ADAMTS17: variants seen among roughly 807,000 people sequenced by gnomAD.
ADAMTS17 encodes the protein A disintegrin and metalloproteinase with thrombospondin motifs 17.
Under a neutral mutation model 141.5 loss-of-function variants are expected in ADAMTS17, and 113 were observed. The ratio of observed to expected loss-of-function variants is 0.80; its 90% CI spans 0.69 to 0.93. The LOEUF (loss-of-function observed/expected upper bound fraction) is 0.93, where lower values mean the gene tolerates loss of function less well. Among genes scored for constraint, ADAMTS17 ranks in the 40% least tolerant of loss-of-function variants. ADAMTS17 has a pLI of 0.00. For missense variants in ADAMTS17, 1,659 were observed against 1,517.9 expected, an observed-to-expected ratio of 1.09 and a Z score of -1.54; for synonymous variants, 768 against 630.6, an observed-to-expected ratio of 1.22 and a Z score of -3.27.
chr15:100,081,994 T>C (rs991394930), intron 15 of ADAMTS17, among the ~76,000 whole-genome samples: 2 of 152,246 alleles, frequency 1.3e-5, no homozygotes, highest in African/African-American at 4.8e-5. Context: ...TCAGACTCTT[T>C]ACTTACTAGA....
intron 15 of ADAMTS17, chr15:100,063,810 A>C (rs1243654784): frequency 4.0e-6 from 5 of 1,239,472 alleles, no homozygotes; most frequent in Non-Finnish European, 5.3e-6. Flanking sequence ...CCTGCACCAG[A>C]GGCCGTGCAG....
At chr15:100,133,830 G>A (rs922343738) in intron 10 of ADAMTS17, among the ~76,000 whole-genome samples, 25 of 152,334 alleles carry the variant, frequency 1.6e-4, no homozygotes, top group African/African-American at 5.8e-4. Context: ...CTGGTACCCC[G>A]ACAGGGTTAC....
At chr15:100,068,748 C>T (rs1289659546) in intron 15 of ADAMTS17, among the ~76,000 whole-genome samples, 1 of 152,222 alleles carries the variant, frequency 6.6e-6, no homozygotes, top group African/African-American at 2.4e-5. Context: ...AAAACCCCAT[C>T]TGTATGTCAC....
At chr15:100,015,830 G>GATGACA (rs2061277575) in intron 18 of ADAMTS17, among the ~76,000 whole-genome samples, 1 of 152,206 alleles carries the variant, frequency 6.6e-6, no homozygotes, top group Non-Finnish European at 1.5e-5. Context: ...TAGATTACCT[G>GATGACA]ATGACAATGT....
intron 18 of ADAMTS17, among the ~76,000 whole-genome samples, chr15:100,027,980 A>G (rs1260194339): frequency 6.6e-6 from 1 of 152,048 alleles, no homozygotes; most frequent in East Asian, 1.9e-4. Context: ...GGCAGTCCCC[A>G]CTGGGGAGCC....
intron 2 of ADAMTS17, among the ~76,000 whole-genome samples, chr15:100,340,803 G>C (rs2046339909): frequency 2.0e-5 from 3 of 152,212 alleles, no homozygotes; most frequent in Admixed American, 2.0e-4. Flanking sequence ...GCTCCGCGCG[G>C]GTTCCACGGG....
At chr15:100,052,368 A>G (rs1191368200) in intron 16 of ADAMTS17, among the ~76,000 whole-genome samples, 2 of 152,224 alleles carry the variant, frequency 1.3e-5, no homozygotes, top group Admixed American at 1.3e-4. Flanking sequence ...TCTCATTTTC[A>G]GTTTTAAAAT....
rs190078338 is a variant in ADAMTS17, at chr15:100,209,989, C to G, written c.1076-10566G>C. ...CATACATTTCCAGGTTGCCTCTATG[C>G]CTCTGTGGTGGTCCGCGGGCAGATC... On this transcript the variant is annotated intron_variant, in intron 7 of 21. Coordinates refer to ENST00000268070, the MANE Select transcript of ADAMTS17 (RefSeq NM_139057.4). Among the ~76,000 whole-genome samples the G allele has an allele frequency of 2.7e-4, 41 of 152,230 alleles. No individual in the cohort carries two copies. The East Asian group carries it at 7.4e-3, about 27-fold the overall frequency.
chr15:100,038,380 G>A (rs916302083), intron 18 of ADAMTS17, among the ~76,000 whole-genome samples: 2 of 152,096 alleles, frequency 1.3e-5, no homozygotes, highest in African/African-American at 2.4e-5. Flanking sequence ...GAATTTTAGC[G>A]ACATGTCCCC....
intron 8 of ADAMTS17, among the ~76,000 whole-genome samples, chr15:100,165,410 A>G (rs2039909735): frequency 6.6e-6 from 1 of 152,192 alleles, no homozygotes; most frequent in Non-Finnish European, 1.5e-5. Context: ...CCTCCTGGGC[A>G]TGCCATGGCT....
intron 18 of ADAMTS17, among the ~76,000 whole-genome samples, chr15:100,029,305 G>C (rs1048168158): frequency 1.3e-5 from 2 of 152,158 alleles, no homozygotes; most frequent in Non-Finnish European, 2.9e-5. Flanking sequence ...AAAACATAGG[G>C]ATCTAAATTT....
intron 8 of ADAMTS17, among the ~76,000 whole-genome samples, chr15:100,172,370 T>C (rs770119413): frequency 2.6e-5 from 4 of 152,210 alleles, no homozygotes; most frequent in Non-Finnish European, 2.9e-5. Flanking sequence ...AGTACGTTAA[T>C]ATGTTCAGTT....
Position 100,281,331 on chromosome 15 carries a change from G to A in ADAMTS17, c.687C>T (p.Thr229=), listed in dbSNP as rs748689161. 13 of 1,610,700 alleles carry A rather than the reference G, an allele frequency of 8.1e-6. No homozygotes were observed. The highest frequency in any genetic ancestry group is 1.1e-5 in the Non-Finnish European group (13 of 1,179,998). The change falls in exon 4 of 22, where the codon ACC becomes ACT. Residue 229 remains threonine, a synonymous_variant. Coordinates refer to ENST00000268070, the MANE Select transcript of ADAMTS17 (RefSeq NM_139057.4). The stretch of plus-strand genomic sequence containing the variant: ...CCAGGGTCTCCACCGTGTGCTCGCT[G>A]GTGAGCCGGATAGCGTTCCTCCGCT... ...WRERRNAIRL[T]SEHTVETLVV... is the part of the protein sequence containing the mutation.
intron 10 of ADAMTS17, among the ~76,000 whole-genome samples, chr15:100,150,304 C>T (rs963294929): frequency 1.3e-5 from 2 of 152,156 alleles, no homozygotes; most frequent in African/African-American, 4.8e-5. Context: ...AATACCACAT[C>T]CCCTGCCTCC....
chr15:100,118,524 T>C (rs2037282091), intron 12 of ADAMTS17, among the ~76,000 whole-genome samples: 1 of 152,150 alleles, frequency 6.6e-6, no homozygotes, highest in African/African-American at 2.4e-5. Flanking sequence ...TCTAGAAGGT[T>C]TATGGAATCT....
chr15:99,983,165 C>A (rs1381854374), intron 20 of ADAMTS17, among the ~76,000 whole-genome samples: 4 of 152,156 alleles, frequency 2.6e-5, no homozygotes, highest in Non-Finnish European at 5.9e-5. Flanking sequence ...CGGCAGTCAC[C>A]GTCGCAGCAG....
chr15:100,011,398 A>G lies in ADAMTS17; in HGVS notation c.2592-13809T>C, dbSNP rs999612748. Among the ~76,000 whole-genome samples, 26 of 140,350 alleles carry G rather than the reference A, an allele frequency of 1.9e-4. No homozygotes were observed. The East Asian group carries it at 2.1e-3, about 11-fold the overall frequency. 92.1% of individuals were successfully genotyped at this position (140,350 alleles called of 152,430 possible). A position where few individuals can be genotyped will look rare whatever the true frequency, so the allele number is the denominator to read the frequency against. On this transcript the variant is annotated intron_variant, in intron 18 of 21. Coordinates refer to ENST00000268070, the MANE Select transcript of ADAMTS17 (RefSeq NM_139057.4). ...AGGCAGTAAGGACAGAAGGGAGGGA[A>G]GGAAGGAGGAAAGGAAAGAAGAAAG...
chr15:100,167,253 TCA>T (rs1354148188), intron 8 of ADAMTS17, among the ~76,000 whole-genome samples: 1 of 152,166 alleles, frequency 6.6e-6, no homozygotes, highest in Non-Finnish European at 1.5e-5. Context: ...CACAAATTAC[TCA>T]CAGATACTTG....
chr15:100,299,641 CACCTGGA>C (rs2044957085), intron 3 of ADAMTS17, among the ~76,000 whole-genome samples: 1 of 152,176 alleles, frequency 6.6e-6, no homozygotes, highest in African/African-American at 2.4e-5. Flanking sequence ...GGCTTCTCTG[CACCTGGA>C]ATCCCCCATC....
Sources: gnomAD v4.1 joint callset for allele counts (sites outside exome capture counted in the v4.1 genomes callset) on GRCh38, gnomAD v4.1.1 for gene constraint, MANE v1.5 for transcripts, NCBI Gene and HGNC (gene_info 2026-07-23, HGNC 2026-07-21) for gene names.